THAP1: variants seen among roughly 807,000 people sequenced by gnomAD.
THAP1 encodes THAP domain-containing protein 1.
A neutral mutation model predicts 18.2 loss-of-function variants in THAP1; 6 were observed. That is an observed-to-expected ratio of 0.33 (90% CI 0.18 to 0.65). THAP1 has a LOEUF of 0.65. Among genes scored for constraint, THAP1 ranks in the 30% least tolerant of loss-of-function variants. The pLI is 0.74. For missense variants in THAP1, 176 were observed against 253.0 expected (o/e 0.70, Z 2.06); for synonymous variants, 85 against 90.5 (o/e 0.94, Z 0.34).
chr8:42,838,422 A>G, intron 2 of THAP1, 86 bp from the exon 3 acceptor site: 1 of 1,548,106 alleles, frequency 6.5e-7, no homozygotes, highest in Non-Finnish European at 8.8e-7. Flanking sequence ...GCAGTGGCTC[A>G]TGCCTATAAT....
Position 42,837,032 on chromosome 8 carries a change from C to G in THAP1, c.*930G>C, listed in dbSNP as rs186352130. 8 of 152,302 alleles carry G rather than the reference C, an allele frequency of 5.3e-5. No individual in the cohort carries two copies. The highest frequency in any genetic ancestry group is 3.9e-4 in the East Asian group (2 of 5,188). 9.4% of individuals were successfully genotyped at this position (152,302 alleles called of 1,614,324 possible). A position where few individuals can be genotyped will look rare whatever the true frequency, so the allele number is the denominator to read the frequency against. ...TGAAGAAATAATTTTTTATGTGAAG[C>G]CTTGTCCCAACTCAGTCAAGTGCAA... On this transcript the variant is annotated 3_prime_UTR_variant, in exon 3 of 3. Transcript: ENST00000254250.
chr8:42,840,331 T>C (rs1036415191), intron 1 of THAP1, among the ~76,000 whole-genome samples: 2 of 152,194 alleles, frequency 1.3e-5, no homozygotes, highest in African/African-American at 2.4e-5. Flanking sequence ...GTCTGACAAA[T>C]ATGAATAGGC....
At chr8:42,841,125 G>A (rs1480104327) in intron 1 of THAP1, among the ~76,000 whole-genome samples, 2 of 151,784 alleles carry the variant, frequency 1.3e-5, no homozygotes, top group East Asian at 1.9e-4. Flanking sequence ...CAGTACCTAG[G>A]GCCTCCTGGC....
Position 42,837,773 on chromosome 8 carries a change from T to TA in THAP1, c.*188dup, listed in dbSNP as rs550632198. On this transcript the variant is annotated 3_prime_UTR_variant, in exon 3 of 3. Transcript: ENST00000254250. Reference sequence around the variant, plus strand: ...ACTTTTAAAATATTTTGTTAAAATGTAAAAAACCTGAAATTACAAACAAAA... The same window carrying TA: ...ACTTTTAAAATATTTTGTTAAAATGTAAAAAAACCTGAAATTACAAACAAAA... 2.0e-6 allele frequency: 1 copy of TA among 489,814 alleles called. No homozygotes were observed. The highest frequency in any genetic ancestry group is 2.0e-5 in the African/African-American group (1 of 49,900). 30.3% of individuals were successfully genotyped at this position (489,814 alleles called of 1,614,324 possible).
chr8:42,837,330 A>C lies in THAP1; in HGVS notation c.*632T>G, dbSNP rs989815627. ...GAAAAAATAGGAGCCCATGTAAAAA[A>C]AAAAAATCCACTCTTAGAATCTGAA... On this transcript the variant is annotated 3_prime_UTR_variant, in exon 3 of 3. Coordinates refer to ENST00000254250, the MANE Select transcript of THAP1 (RefSeq NM_018105.3). 3.3e-5 allele frequency: 5 copies of C among 152,208 alleles called. No individual in the cohort carries two copies. The highest frequency in any genetic ancestry group is 1.2e-4 in the African/African-American group (5 of 41,460). The allele number at this position is 152,208 out of a possible 1,614,324, so 9.4% of individuals were successfully genotyped here.
At position 42,840,136 on chromosome 8, in the gene THAP1, G is replaced by A. The variant is rs767579940; in HGVS notation, c.72-755C>T. Among the ~76,000 whole-genome samples the A allele has an allele frequency of 1.8e-3, 276 of 152,202 alleles. 1 individual carries two copies. The highest frequency in any genetic ancestry group is 0.014 in the Middle Eastern group (4 of 294). The stretch of plus-strand genomic sequence containing the variant: ...CTCGAGCCTGGGAGGTCAAGGCTGC[G>A]GTGAGCTGAGATCATTCCACTGCAC... On this transcript the variant is annotated intron_variant, in intron 1 of 2. Coordinates refer to ENST00000254250, the MANE Select transcript of THAP1 (RefSeq NM_018105.3).
At chr8:42,842,313 G>T (rs1802733965) in intron 1 of THAP1, among the ~76,000 whole-genome samples, 1 of 152,112 alleles carries the variant, frequency 6.6e-6, no homozygotes, top group Non-Finnish European at 1.5e-5. Flanking sequence ...CTACCTACTG[G>T]ATAAGACAGC....
Position 42,843,149 on chromosome 8 carries a change from T to G in THAP1, c.-55A>C. ...CCGCCGCAGAAGGCAGGGGAAGCTG[T>G]TCTCAGTGTCGCTGCGCTCGGTTGG... is the stretch of plus-strand genomic sequence containing the variant. On this transcript the variant is annotated 5_prime_UTR_variant, in exon 1 of 3. Transcript: ENST00000254250. The G allele has an allele frequency of 1.2e-6, 2 of 1,605,300 alleles. No individual in the cohort carries two copies. The highest frequency in any genetic ancestry group is 1.7e-6 in the Non-Finnish European group (2 of 1,172,638).
chr8:42,837,863 T>C lies in THAP1; in HGVS notation c.*99A>G. 1 of 1,326,754 alleles carries C rather than the reference T, an allele frequency of 7.5e-7. No homozygotes were observed. The allele number at this position is 1,326,754 out of a possible 1,614,324, so 82.2% of individuals were successfully genotyped here. A position where few individuals can be genotyped will look rare whatever the true frequency, so the allele number is the denominator to read the frequency against. On this transcript the variant is annotated 3_prime_UTR_variant, in exon 3 of 3. Transcript: ENST00000254250. ...AAAAATATTCTGAACTGTTTTTATA[T>C]AAGTAATCAAATGTTATTTTTTTAA...
In THAP1 at chr8:42,837,126, A is replaced by G. The variant is rs1416213304; in HGVS notation, c.*836T>C. The G allele has an allele frequency of 6.6e-6, 1 of 152,274 alleles. No homozygotes were observed. The highest frequency in any genetic ancestry group is 1.5e-5 in the Non-Finnish European group (1 of 68,056). The allele number at this position is 152,274 out of a possible 1,614,324, so 9.4% of individuals were successfully genotyped here. A position where few individuals can be genotyped will look rare whatever the true frequency, so the allele number is the denominator to read the frequency against. ...TTGTCAGAGACTTGAAGGCAGATAC[A>G]TAACTACAGCTGGGGAACTGGATGT... On this transcript the variant is annotated 3_prime_UTR_variant, in exon 3 of 3. Coordinates refer to ENST00000254250, the MANE Select transcript of THAP1 (RefSeq NM_018105.3).
rs1802622256 is a variant in THAP1 at position 42,836,830 on chromosome 8, T to C, written c.*1132A>G. 6.6e-6 allele frequency: 1 copy of C among 152,476 alleles called. No homozygotes were observed. The highest frequency in any genetic ancestry group is 1.9e-4 in the East Asian group (1 of 5,200). The allele number at this position is 152,476 out of a possible 1,614,324, so 9.4% of individuals were successfully genotyped here. A position where few individuals can be genotyped will look rare whatever the true frequency, so the allele number is the denominator to read the frequency against. On this transcript the variant is annotated 3_prime_UTR_variant, in exon 3 of 3. Coordinates refer to ENST00000254250, the MANE Select transcript of THAP1 (RefSeq NM_018105.3). ...TAGCAATATTTGTTTACTCAGAACA[T>C]ATTTTCACTTCCAATATATGTAAAA... is the stretch of plus-strand genomic sequence containing the variant.
At chr8:42,840,965 C>CAAAAAAA (rs1029278824) in intron 1 of THAP1, among the ~76,000 whole-genome samples, 1 of 47,068 alleles carries the variant, frequency 2.1e-5, no homozygotes, top group Non-Finnish European at 4.4e-5. Context: ...GACTCCATCT[C>CAAAAAAA]AAAAAAAAAA....
chr8:42,839,292 C>G lies in THAP1; in HGVS notation c.161G>C (p.Cys54Ser), dbSNP rs1554599707. 6.2e-7 allele frequency: 1 copy of G among 1,614,078 alleles called. No homozygotes were observed. The highest frequency in any genetic ancestry group is 8.5e-7 in the Non-Finnish European group (1 of 1,180,006). The change falls in exon 2 of 3, where the codon TGT becomes TCT. Residue 54 changes from cysteine (C) to serine (S), a missense_variant. By Grantham distance (112) the Cys-to-Ser change is moderately radical. Transcript: ENST00000254250. Reference protein sequence around the residue: ...NFKPTKYSSICSEHFTPDCFK... With the variant: ...NFKPTKYSSISSEHFTPDCFK... The stretch of plus-strand genomic sequence containing the variant: ...GCAGTCTGGAGTAAAGTGCTCTGAA[C>G]AAATACTGCTATACTTGGTGGGTTT...
chr8:42,842,857 T>A (rs956488802), intron 1 of THAP1, 167 bp downstream of exon 1: 2 of 358,364 alleles, frequency 5.6e-6, no homozygotes, highest in Non-Finnish European at 8.4e-6. Flanking sequence ...GAACGCGCGA[T>A]CGGGCGGCGG....
chr8:42,843,195 G>T lies in THAP1; in HGVS notation c.-101C>A. 6.8e-7 allele frequency: 1 copy of T among 1,463,454 alleles called. No individual in the cohort carries two copies. The highest frequency in any genetic ancestry group is 9.5e-7 in the Non-Finnish European group (1 of 1,048,624). 90.7% of individuals were successfully genotyped at this position (1,463,454 alleles called of 1,614,324 possible). On this transcript the variant is annotated 5_prime_UTR_variant, in exon 1 of 3. Coordinates refer to ENST00000254250, the MANE Select transcript of THAP1 (RefSeq NM_018105.3). ...GTTGGATTCCCTCGCTTCTTTTGTA[G>T]CTTTGGCCAACAGTTACAGTGATGG...
Position 42,838,025 on chromosome 8 carries a change from T to C in THAP1, c.579A>G (p.Val193=). Residue 193 remains valine, a synonymous_variant, in exon 3 of 3, where the codon GTA becomes GTG. Transcript: ENST00000254250. ...GTAGAATCACATAACCTCTTTCTGA[T>C]ACGTCGTCTTTCTCTTTCTGGAAGT... ...VVHFQKEKDD[V]SERGYVILPN... is the part of the protein sequence containing the mutation. 4 of 1,613,914 alleles carry C rather than the reference T, an allele frequency of 2.5e-6. No individual in the cohort carries two copies. Among genetic ancestry groups the C allele is most frequent in the Non-Finnish European group, 3.4e-6 (4 of 1,179,960 alleles).
chr8:42,839,027 A>G (rs1423182594), intron 2 of THAP1, among the ~76,000 whole-genome samples, 159 bp downstream of exon 2: 2 of 152,258 alleles, frequency 1.3e-5, no homozygotes, highest in Non-Finnish European at 2.9e-5. Context: ...TTTATCTTTA[A>G]TAAACTGCAT....
chr8:42,839,126 T>G, intron 2 of THAP1, 60 bp downstream of exon 2: 2 of 1,576,834 alleles, frequency 1.3e-6, no homozygotes, highest in Non-Finnish European at 8.7e-7. Context: ...CACATTTTAA[T>G]CAATGAACAC....
chr8:42,840,965 CAAAAAAAAAAAAAA>C (rs1029278824), intron 1 of THAP1, among the ~76,000 whole-genome samples: 1 of 47,060 alleles, frequency 2.1e-5, no homozygotes, highest in South Asian at 7.7e-4. Context: ...GACTCCATCT[CAAAAAAAAAAAAAA>C]AAAAAAAAGA....
Sources: allele counts gnomAD v4.1 joint callset (sites outside exome capture counted in the v4.1 genomes callset), GRCh38; gene constraint gnomAD v4.1.1; transcripts MANE v1.5; gene names NCBI Gene and HGNC (gene_info 2026-07-23, HGNC 2026-07-21).